Variants in AOPEP observed in about 807,000 individuals in gnomAD.
AOPEP encodes aminopeptidase O (putative).
AOPEP carries 77 observed loss-of-function variants against 98.1 expected under a neutral mutation model. The ratio of observed to expected loss-of-function variants is 0.78; its 90% CI spans 0.65 to 0.95. The LOEUF (loss-of-function observed/expected upper bound fraction) is 0.95, where lower values mean the gene tolerates loss of function less well. Among genes scored for constraint, AOPEP ranks in the 40% least tolerant of loss-of-function variants. The probability of loss-of-function intolerance (pLI) is 0.00; values close to 1 mark genes in which losing one functional copy is unlikely to be tolerated. For missense variants in AOPEP, 1,024 were observed against 1,024.7 expected (o/e 1.00, Z 0.01); for synonymous variants, 346 against 365.3 (o/e 0.95, Z 0.60).
the AOPEP span, among the ~76,000 whole-genome samples, chr9:95,122,512 C>T: frequency 1.3e-5 from 2 of 152,092 alleles, no homozygotes; most frequent in Admixed American, 6.6e-5. Context: ...GAGCTGAAGG[C>T]GAGGGTGGTG....
the AOPEP span, chr9:95,100,239 G>A: frequency 3.1e-5 from 7 of 226,278 alleles, no homozygotes; most frequent in Non-Finnish European, 5.1e-5. Context: ...CACGAAGCAT[G>A]TTATATGAAG....
rs542995301 is a variant in AOPEP, at chr9:94,989,212, C to T, written c.1977+9785C>T. ...TGCCTCCCGGGTTCATGCCATTCTCCCACCTCAGCCTCCCGAGTAGCTGAG... is the reference window on the plus strand; with the variant it reads ...TGCCTCCCGGGTTCATGCCATTCTCTCACCTCAGCCTCCCGAGTAGCTGAG... On this transcript the variant is annotated intron_variant, in intron 11 of 16. Coordinates refer to ENST00000375315, the MANE Select transcript of AOPEP (RefSeq NM_001193329.3). 1.8e-4 allele frequency among the ~76,000 whole-genome samples: 28 copies of T among 152,148 alleles called. 1 individual carries two copies. In the South Asian group the frequency reaches 5.6e-3, roughly 30 times the overall value.
chr9:94,736,518 A>C (rs1359890515), intron 1 of AOPEP, among the ~76,000 whole-genome samples: 1 of 152,122 alleles, frequency 6.6e-6, no homozygotes, highest in Non-Finnish European at 1.5e-5. Flanking sequence ...CAACTCTATT[A>C]ATCTAGATCC....
chr9:95,112,302 A>G, the AOPEP span, among the ~76,000 whole-genome samples: 1 of 152,220 alleles, frequency 6.6e-6, no homozygotes, highest in Non-Finnish European at 1.5e-5. Context: ...GCCTGAGATC[A>G]CATTAGATGA....
intron 3 of AOPEP, among the ~76,000 whole-genome samples, chr9:94,792,342 A>G (rs575875228): frequency 2.6e-5 from 4 of 152,306 alleles, no homozygotes; most frequent in Non-Finnish European, 5.9e-5. Flanking sequence ...TAGTTACAGC[A>G]CAAAGCAATC....
chr9:94,882,991 C>G (rs1449083205), intron 5 of AOPEP, among the ~76,000 whole-genome samples: 2 of 152,192 alleles, frequency 1.3e-5, no homozygotes, highest in Non-Finnish European at 2.9e-5. Flanking sequence ...AGTTACTTAT[C>G]TGAAGTCTGG....
intron 13 of AOPEP, among the ~76,000 whole-genome samples, chr9:95,036,310 T>C (rs886382066): frequency 2.0e-5 from 3 of 152,266 alleles, no homozygotes; most frequent in African/African-American, 7.2e-5. Flanking sequence ...GTTTTATTTC[T>C]TTAAGTTATA....
At chr9:95,100,261 G>A in the AOPEP span, 1 of 232,306 alleles carries the variant, frequency 4.3e-6, no homozygotes, top group Non-Finnish European at 8.5e-6. Context: ...CAATGACCAT[G>A]ATGGCAGCTG....
At chr9:94,943,936 A>AAAC (rs1564424105) in intron 7 of AOPEP, among the ~76,000 whole-genome samples, 1,509 of 145,530 alleles carry the variant, frequency 0.01, 50 homozygotes, top group African/African-American at 0.04. Flanking sequence ...AAAAAAAAAA[A>AAAC]AAAAAAAAAA....
intron 13 of AOPEP, among the ~76,000 whole-genome samples, chr9:95,060,040 A>G (rs911297981): frequency 5.3e-5 from 8 of 152,152 alleles, no homozygotes; most frequent in African/African-American, 1.7e-4. Flanking sequence ...CTTTGCCCTT[A>G]ACTTGTAACA....
chr9:95,117,342 C>T, the AOPEP span: 1 of 1,614,062 alleles, frequency 6.2e-7, no homozygotes, highest in African/African-American at 1.3e-5. Flanking sequence ...AGCACCATGG[C>T]AAGAGATGGA....
intron 2 of AOPEP, among the ~76,000 whole-genome samples, chr9:94,767,814 T>C (rs192658180): frequency 2.0e-5 from 3 of 152,240 alleles, no homozygotes; most frequent in Non-Finnish European, 4.4e-5. Context: ...CAAAGCAGCA[T>C]TCTCCCTGGA....
chr9:94,814,330 C>T (rs1207575954), intron 5 of AOPEP, among the ~76,000 whole-genome samples: 3 of 152,198 alleles, frequency 2.0e-5, no homozygotes, highest in Non-Finnish European at 4.4e-5. Context: ...CCTCCTTTCA[C>T]TCTGTGGAGA....
At chr9:94,975,581 A>G (rs1009530453) in intron 10 of AOPEP, among the ~76,000 whole-genome samples, 2 of 152,182 alleles carry the variant, frequency 1.3e-5, no homozygotes, top group African/African-American at 4.8e-5. Context: ...CCTGGGGCCC[A>G]CTATCTGCAC....
chr9:94,988,710 C>T (rs542463937), intron 11 of AOPEP, among the ~76,000 whole-genome samples: 2 of 152,246 alleles, frequency 1.3e-5, no homozygotes, highest in East Asian at 3.9e-4. Context: ...AAGTCTAGCT[C>T]TGCAGGCTTG....
chr9:95,110,609 A>C, the AOPEP span: 1 of 1,039,716 alleles, frequency 9.6e-7, no homozygotes, highest in Non-Finnish European at 1.2e-6. Flanking sequence ...TATGCCATGC[A>C]AGCCTTTAAA....
At chr9:94,995,773 T>A (rs2061182397) in intron 11 of AOPEP, among the ~76,000 whole-genome samples, 2 of 152,196 alleles carry the variant, frequency 1.3e-5, no homozygotes, top group African/African-American at 4.8e-5. Flanking sequence ...TGAATATAAA[T>A]TAACTGGGTG....
At chr9:95,101,046 C>T in the AOPEP span, 16 of 234,178 alleles carry the variant, frequency 6.8e-5, no homozygotes, top group African/African-American at 2.6e-4. Context: ...CTTCGCCTGC[C>T]GGCTCCTCTG....
intron 1 of AOPEP, among the ~76,000 whole-genome samples, chr9:94,744,701 CA>C (rs757571360): frequency 5.5e-3 from 306 of 56,062 alleles, no homozygotes; most frequent in East Asian, 0.032. Flanking sequence ...GACTCTGTCT[CA>C]AAAAAAAAAA....
Sources: allele counts gnomAD v4.1 joint callset (sites outside exome capture counted in the v4.1 genomes callset), GRCh38; gene constraint gnomAD v4.1.1; transcripts MANE v1.5; gene names NCBI Gene and HGNC (gene_info 2026-07-23, HGNC 2026-07-21).